The following GBF1 variants were observed in gnomAD, a reference collection of about 807,000 sequenced individuals.
The protein encoded by GBF1 is Golgi-specific brefeldin A-resistance guanine nucleotide exchange factor 1.
Under a neutral mutation model 210.5 loss-of-function variants are expected in GBF1, and 114 were observed. The ratio of observed to expected loss-of-function variants is 0.54; its 90% CI spans 0.47 to 0.63. The LOEUF (loss-of-function observed/expected upper bound fraction) is 0.63. GBF1 is among the 30% of genes least tolerant of loss of function. GBF1 has a pLI of 0.00. For missense variants in GBF1, 1,851 were observed against 2,357.7 expected, an observed-to-expected ratio of 0.79 and a Z score of 4.45; for synonymous variants, 850 against 889.2, an observed-to-expected ratio of 0.96 and a Z score of 0.78.
chr10:102,335,483 G>A (rs527598654), intron 3 of GBF1, among the ~76,000 whole-genome samples: 1 of 152,320 alleles, frequency 6.6e-6, no homozygotes, highest in African/African-American at 2.4e-5. Context: ...CACTCTTCTG[G>A]AGAAGATCCA....
chr10:102,235,357 GA>G, the GBF1 span, among the ~76,000 whole-genome samples: 1 of 152,100 alleles, frequency 6.6e-6, no homozygotes, highest in African/African-American at 2.4e-5. Context: ...AGGAGGGGCA[GA>G]AAGTGCCCAG....
intron 2 of GBF1, among the ~76,000 whole-genome samples, chr10:102,259,501 T>C (rs1273683394): frequency 1.3e-5 from 2 of 152,206 alleles, no homozygotes; most frequent in African/African-American, 2.4e-5. Context: ...TTACCTGTTA[T>C]ACAGTTGGCT....
intron 4 of GBF1, among the ~76,000 whole-genome samples, chr10:102,349,798 G>A (rs1196704043): frequency 3.3e-5 from 5 of 152,096 alleles, no homozygotes. Context: ...GCTATTTCTC[G>A]TGGCTATTTA....
intron 3 of GBF1, among the ~76,000 whole-genome samples, chr10:102,268,000 T>C (rs1025304652): frequency 2.0e-4 from 30 of 152,320 alleles, no homozygotes; most frequent in Admixed American, 4.6e-4. Context: ...GGTACTGTGA[T>C]TCTTTTTTTC....
chr10:102,358,011 C>T lies in GBF1; in HGVS notation c.640-28C>T, dbSNP rs760693252. On this transcript the variant is annotated intron_variant, in intron 8 of 39. Coordinates refer to ENST00000369983, the MANE Select transcript of GBF1 (RefSeq NM_001377137.1). ...AGGGATAGAGTCTTAGTTTGAATAC[C>T]ATTGCTAATGGGGTATGATATTTCC... 27 of 1,493,416 alleles carry T rather than the reference C, an allele frequency of 1.8e-5. No homozygotes were observed. The South Asian group carries it at 3.0e-4, about 17-fold the overall frequency. 92.5% of individuals were successfully genotyped at this position (1,493,416 alleles called of 1,614,324 possible). A position where few individuals can be genotyped will look rare whatever the true frequency, so the allele number is the denominator to read the frequency against.
At chr10:102,286,656 C>G (rs2075981100) in intron 3 of GBF1, among the ~76,000 whole-genome samples, 3 of 152,042 alleles carry the variant, frequency 2.0e-5, no homozygotes, top group Admixed American at 2.0e-4. Flanking sequence ...TTTTTGACAA[C>G]TGTGTGCAGG....
intron 39 of GBF1, among the ~76,000 whole-genome samples, chr10:102,381,834 A>G (rs1465597970): frequency 1.9e-4 from 28 of 150,382 alleles, no homozygotes; most frequent in South Asian, 6.3e-4. Context: ...AAAAAAAAAA[A>G]AAAAAAAAAA....
Position 102,379,694 on chromosome 10 carries a change from G to A in GBF1, c.4776+43G>A, listed in dbSNP as rs372296264. The A allele has an allele frequency of 1.4e-5, 22 of 1,611,298 alleles. No individual in the cohort carries two copies. The African/African-American group carries it at 2.7e-4, about 20-fold the overall frequency. On this transcript the variant is annotated intron_variant, in intron 35 of 39. Transcript: ENST00000369983. ...TCTTAAGATAAAGTTCAAATCCTAA[G>A]AAAAGGAAAGCCAGGCAGCCTGAAG...
At chr10:102,286,690 A>G (rs148138310) in intron 3 of GBF1, among the ~76,000 whole-genome samples, 32 of 152,222 alleles carry the variant, frequency 2.1e-4, no homozygotes, top group Middle Eastern at 3.4e-3. Flanking sequence ...AAATCCCTTC[A>G]TTTTTATTCA....
chr10:102,351,289 A>G lies in GBF1; in HGVS notation c.329A>G (p.Glu110Gly). 1 of 1,608,774 alleles carries G rather than the reference A, an allele frequency of 6.2e-7. No individual in the cohort carries two copies. The highest frequency in any genetic ancestry group is 8.5e-7 in the Non-Finnish European group (1 of 1,175,118). Reference protein sequence around the residue: ...PTHEGTAEGMENMADAVTHAR... With the variant: ...PTHEGTAEGMGNMADAVTHAR... Reference sequence around the variant, plus strand: ...CATGAGGGCACAGCAGAGGGCATGGAGAACATGGCAGATGCTGTCACCCAT... The same window carrying G: ...CATGAGGGCACAGCAGAGGGCATGGGGAACATGGCAGATGCTGTCACCCAT... Residue 110 changes from glutamate to glycine, a missense_variant, in exon 5 of 40, where the codon GAG becomes GGG. By Grantham distance (98) the Glu-to-Gly change is moderately conservative (BLOSUM62 -2). Coordinates refer to ENST00000369983, the MANE Select transcript of GBF1 (RefSeq NM_001377137.1).
chr10:102,339,501 C>T (rs1490152343), intron 3 of GBF1, among the ~76,000 whole-genome samples: 1 of 151,504 alleles, frequency 6.6e-6, no homozygotes, highest in East Asian at 2.0e-4. Context: ...CCCGTCTCTA[C>T]TAAAAGTACA....
chr10:102,259,020 AC>A lies in GBF1; in HGVS notation c.85del (p.His29IlefsTer18). 6.4e-7 allele frequency: 1 copy of A among 1,561,026 alleles called. No homozygotes were observed. The highest frequency in any genetic ancestry group is 8.8e-7 in the Non-Finnish European group (1 of 1,131,558). ...GAIKRNARWS[T>X]HTPLDEERDP... ...CATCAAACGAAATGCCCGATGGAGC[AC>A]CCATACACCACTGGTAAGTGGGAAA... On this transcript the variant is annotated frameshift_variant, in exon 2 of 40. Transcript: ENST00000369983. LOFTEE classifies it high-confidence loss of function.
chr10:102,345,646 CAAAAAAAAAAAA>C (rs59037566), intron 4 of GBF1, among the ~76,000 whole-genome samples: 3 of 17,982 alleles, frequency 1.7e-4, no homozygotes, highest in Admixed American at 5.3e-4. Context: ...GACTCCGTCT[CAAAAAAAAAAAA>C]AAAAAAAAAA....
At chr10:102,303,720 G>T (rs2077600705) in intron 3 of GBF1, among the ~76,000 whole-genome samples, 2 of 152,142 alleles carry the variant, frequency 1.3e-5, no homozygotes, top group Non-Finnish European at 2.9e-5. Context: ...AATTTAATCC[G>T]ACTTTCTACC....
At chr10:102,336,629 T>G (rs2057764759) in intron 3 of GBF1, among the ~76,000 whole-genome samples, 1 of 152,192 alleles carries the variant, frequency 6.6e-6, no homozygotes, top group South Asian at 2.1e-4. Context: ...GTAATTAAAG[T>G]CACATAGCTA....
At chr10:102,259,390 A>G (rs552789410) in intron 2 of GBF1, among the ~76,000 whole-genome samples, 1 of 152,250 alleles carries the variant, frequency 6.6e-6, no homozygotes, top group African/African-American at 2.4e-5. Flanking sequence ...GTAGTTATTG[A>G]TACATAGAAC....
At chr10:102,265,190 G>T (rs2073728011) in intron 3 of GBF1, among the ~76,000 whole-genome samples, 1 of 152,166 alleles carries the variant, frequency 6.6e-6, no homozygotes, top group Non-Finnish European at 1.5e-5. Flanking sequence ...ATAAATTCTT[G>T]CAAGCCTTAG....
chr10:102,279,263 C>T (rs1370743239), intron 3 of GBF1, among the ~76,000 whole-genome samples: 6 of 152,186 alleles, frequency 3.9e-5, no homozygotes, highest in Admixed American at 3.9e-4. Flanking sequence ...TTGGTAATTT[C>T]CTAGAATGGC....
At position 102,253,783 on chromosome 10, in the gene GBF1, G is replaced by C. The variant is rs117133898; in HGVS notation, c.-10-5146G>C. On this transcript the variant is annotated intron_variant, in intron 1 of 39. Coordinates refer to ENST00000369983, the MANE Select transcript of GBF1 (RefSeq NM_001377137.1). ...CCTGCATCGGCCTCCTAAAATGCTG[G>C]ATTATAGGCGTGAGCACCTGGCCTT... Among the ~76,000 whole-genome samples the C allele has an allele frequency of 2.9e-3, 440 of 152,314 alleles. 10 individuals carry two copies. In the East Asian group the frequency reaches 0.068, roughly 23 times the overall value.
Sources: gnomAD v4.1 joint callset for allele counts (sites outside exome capture counted in the v4.1 genomes callset) on GRCh38, gnomAD v4.1.1 for gene constraint, MANE v1.5 for transcripts, NCBI Gene and HGNC (gene_info 2026-07-23, HGNC 2026-07-21) for gene names.